Variants in CRADD observed in about 807,000 individuals in gnomAD.
The protein encoded by CRADD is death domain-containing protein CRADD.
Under a neutral mutation model 15.5 loss-of-function variants are expected in CRADD, and 9 were observed. The observed-to-expected ratio is 0.58, with a 90% confidence interval of 0.35 to 1.01. The LOEUF is 1.01. Ranked by LOEUF, CRADD falls within the 50% of genes least tolerant of loss-of-function variation. The probability of loss-of-function intolerance (pLI) is 0.02; values close to 1 mark genes in which losing one functional copy is unlikely to be tolerated. For synonymous variants in CRADD, 118 were observed against 107.6 expected (o/e 1.10, Z -0.60); for missense variants, 227 against 250.3 (o/e 0.91, Z 0.63).
chr12:93,797,304 G>A (rs1486892804), intron 2 of CRADD, among the ~76,000 whole-genome samples: 1 of 152,166 alleles, frequency 6.6e-6, no homozygotes, highest in Non-Finnish European at 1.5e-5. Flanking sequence ...GGAGGGTCTT[G>A]ATGCACCTGT....
intron 2 of CRADD, among the ~76,000 whole-genome samples, chr12:93,698,266 A>C (rs898339006): frequency 2.0e-5 from 3 of 152,170 alleles, no homozygotes; most frequent in Non-Finnish European, 4.4e-5. Context: ...GCTAAACTCC[A>C]GTTACTTCTA....
intron 2 of CRADD, among the ~76,000 whole-genome samples, chr12:93,728,378 A>C (rs1406458657): frequency 6.6e-6 from 1 of 152,258 alleles, no homozygotes; most frequent in African/African-American, 2.4e-5. Flanking sequence ...ACTAAGGCAC[A>C]TAAAAGAACA....
chr12:93,820,870 TC>T (rs1957762244), intron 2 of CRADD, among the ~76,000 whole-genome samples: 1 of 152,208 alleles, frequency 6.6e-6, no homozygotes, highest in Non-Finnish European at 1.5e-5. Context: ...TCACCTGCAG[TC>T]CCACGCTGTG....
intron 2 of CRADD, among the ~76,000 whole-genome samples, chr12:93,741,442 G>GA (rs926432751): frequency 3.3e-5 from 5 of 152,190 alleles, no homozygotes; most frequent in African/African-American, 9.6e-5. Flanking sequence ...AGGTTATCAT[G>GA]AAAAAAAGTT....
At chr12:93,771,080 TA>T (rs1957081233) in intron 2 of CRADD, among the ~76,000 whole-genome samples, 1 of 152,246 alleles carries the variant, frequency 6.6e-6, no homozygotes, top group African/African-American at 2.4e-5. Flanking sequence ...TTGGTTAACA[TA>T]AAAATTTATT....
intron 2 of CRADD, among the ~76,000 whole-genome samples, chr12:93,869,348 T>A: frequency 6.6e-6 from 1 of 152,104 alleles, no homozygotes; most frequent in Non-Finnish European, 1.5e-5. Context: ...TTCTACATTG[T>A]CCAGCATACA....
At chr12:93,759,015 G>A (rs1432273437) in intron 2 of CRADD, among the ~76,000 whole-genome samples, 1 of 152,058 alleles carries the variant, frequency 6.6e-6, no homozygotes, top group Non-Finnish European at 1.5e-5. Context: ...GGAATTCAAG[G>A]CCTAAGAAAC....
At chr12:93,855,088 G>A (rs1958261487), downstream of CRADD, among the ~76,000 whole-genome samples, 1 of 151,940 alleles carries the variant, frequency 6.6e-6, no homozygotes, top group Non-Finnish European at 1.5e-5. Context: ...TCAGCTACTC[G>A]GGAGGCTGAG....
intron 2 of CRADD, among the ~76,000 whole-genome samples, chr12:93,820,644 G>A (rs181328549): frequency 1.1e-3 from 165 of 152,220 alleles, no homozygotes; most frequent in African/African-American, 3.9e-3. Flanking sequence ...TTTCCCCATC[G>A]CTTGCCACTT....
At chr12:93,833,452 C>T (rs1412164632) in intron 2 of CRADD, among the ~76,000 whole-genome samples, 1 of 152,164 alleles carries the variant, frequency 6.6e-6, no homozygotes, top group Non-Finnish European at 1.5e-5. Context: ...AATCCTTCCA[C>T]CCTGGCCTCC....
intron 2 of CRADD, chr12:93,837,658 GA>G (rs1957989977): frequency 6.6e-6 from 1 of 152,124 alleles, no homozygotes; most frequent in South Asian, 2.1e-4. Context: ...AATGTGTAAA[GA>G]AAAGTGATAC....
chr12:93,765,162 T>C (rs1294381134), intron 2 of CRADD, among the ~76,000 whole-genome samples: 1 of 152,194 alleles, frequency 6.6e-6, no homozygotes, highest in East Asian at 1.9e-4. Context: ...AATGAATAGA[T>C]TGATGCATTT....
rs533648455 is a variant in CRADD, at chr12:93,824,198, T to A, written c.299-25772T>A. Among the ~76,000 whole-genome samples, 2 of 152,304 alleles carry A rather than the reference T, an allele frequency of 1.3e-5. No individual in the cohort carries two copies. Among genetic ancestry groups the A allele is most frequent in the South Asian group, 2.1e-4 (1 of 4,832 alleles). ...TGTTACCCTCACCTCTAGGCTGCTGTAGGACACACCCCGGTCTCATTTTCA... is the reference window on the plus strand; with the variant it reads ...TGTTACCCTCACCTCTAGGCTGCTGAAGGACACACCCCGGTCTCATTTTCA... On this transcript the variant is annotated intron_variant, in intron 2 of 2. Coordinates refer to ENST00000332896, the MANE Select transcript of CRADD (RefSeq NM_003805.5). The surrounding 1 kb of genome is among the most constrained non-coding windows in gnomAD (Gnocchi z 4.3).
At chr12:93,731,039 G>A (rs1263746271) in intron 2 of CRADD, among the ~76,000 whole-genome samples, 1 of 151,700 alleles carries the variant, frequency 6.6e-6, no homozygotes, top group Non-Finnish European at 1.5e-5. Flanking sequence ...GCTATTGGAT[G>A]GAAAAATAAA....
At chr12:93,812,975 C>T (rs1227705197) in intron 2 of CRADD, among the ~76,000 whole-genome samples, 1 of 152,186 alleles carries the variant, frequency 6.6e-6, no homozygotes, top group Non-Finnish European at 1.5e-5. Context: ...TGAAGTTTCT[C>T]CTCTTTTGTA....
At chr12:93,768,301 T>G (rs1012127296) in intron 2 of CRADD, among the ~76,000 whole-genome samples, 1 of 152,200 alleles carries the variant, frequency 6.6e-6, no homozygotes, top group Non-Finnish European at 1.5e-5. Flanking sequence ...TCACAAAGGA[T>G]TCAACATTCA....
chr12:93,683,360 C>G (rs1010365092), intron 2 of CRADD, among the ~76,000 whole-genome samples: 9 of 152,194 alleles, frequency 5.9e-5, no homozygotes, highest in Non-Finnish European at 1.3e-4. Context: ...TTTTGTTTTT[C>G]TCTCCTCCGT....
intron 2 of CRADD, among the ~76,000 whole-genome samples, chr12:93,692,362 G>C (rs1332593204): frequency 6.6e-6 from 1 of 152,068 alleles, no homozygotes; most frequent in Non-Finnish European, 1.5e-5. Flanking sequence ...ATAATATCCA[G>C]GTACAGGAAG....
At chr12:93,844,146 T>C (rs2137043782) in intron 2 of CRADD, among the ~76,000 whole-genome samples, 1 of 152,352 alleles carries the variant, frequency 6.6e-6, no homozygotes. Flanking sequence ...TCTAATCATA[T>C]TAAAATAGAT....
Sources: gnomAD v4.1 joint callset for allele counts (sites outside exome capture counted in the v4.1 genomes callset) on GRCh38, gnomAD v4.1.1 for gene constraint, Gnocchi (gnomAD v3.1) non-coding constraint, MANE v1.5 for transcripts, NCBI Gene and HGNC (gene_info 2026-07-23, HGNC 2026-07-21) for gene names.